IQSEC1: variants seen among roughly 807,000 people sequenced by gnomAD.
The protein encoded by IQSEC1 is IQ motif and Sec7 domain ArfGEF 1, also known as IQ motif and SEC7 domain-containing protein 1.
A neutral mutation model predicts 91.0 loss-of-function variants in IQSEC1; 31 were observed. The observed-to-expected ratio is 0.34, with a 90% confidence interval of 0.26 to 0.46. IQSEC1 has a LOEUF of 0.46. Among genes scored for constraint, IQSEC1 ranks in the 20% least tolerant of loss-of-function variants. The pLI, the probability that IQSEC1 is intolerant of heterozygous loss-of-function variation, is 1.00. For missense variants in IQSEC1, 1,388 were observed against 1,575.6 expected, an observed-to-expected ratio of 0.88 and a Z score of 2.02; for synonymous variants, 699 against 662.6, an observed-to-expected ratio of 1.05 and a Z score of -0.84.
rs187184344 is a variant in IQSEC1 at position 13,148,561 on chromosome 3, T to C, written c.302+15543A>G. Reference sequence around the variant, plus strand: ...AGGTTTATGGGTTTTTGTTTTGTTTTGTTTTTGGTATGAAATGGGATTTGG... The same window carrying C: ...AGGTTTATGGGTTTTTGTTTTGTTTCGTTTTTGGTATGAAATGGGATTTGG... On this transcript the variant is annotated intron_variant, in intron 2 of 15. Coordinates refer to the IQSEC1 transcript ENST00000648114. Among the ~76,000 whole-genome samples, 249 of 152,380 alleles carry C rather than the reference T, an allele frequency of 1.6e-3. 1 individual carries two copies. The highest frequency in any genetic ancestry group is 5.9e-3 in the African/African-American group (245 of 41,586).
At chr3:13,206,914 T>C (rs1694355495) in intron 1 of IQSEC1, among the ~76,000 whole-genome samples, 1 of 151,782 alleles carries the variant, frequency 6.6e-6, no homozygotes, top group South Asian at 2.1e-4. Flanking sequence ...GGTGGGTGAG[T>C]AGGAGGGAGA....
At chr3:13,225,264 A>G (rs1463281689) in intron 1 of IQSEC1, among the ~76,000 whole-genome samples, 2 of 152,190 alleles carry the variant, frequency 1.3e-5, no homozygotes, top group Non-Finnish European at 2.9e-5. Context: ...GTGGTCAGTT[A>G]GTTTTATAGC....
intron 1 of IQSEC1, among the ~76,000 whole-genome samples, chr3:13,222,054 C>T (rs73134165): frequency 0.18 from 27,984 of 151,862 alleles, 3,817 homozygotes; most frequent in African/African-American, 0.37. Flanking sequence ...TTTACCACCT[C>T]ATCCATTTTA....
At chr3:13,016,184 G>A (rs1431705901) in intron 1 of IQSEC1, among the ~76,000 whole-genome samples, 1 of 152,214 alleles carries the variant, frequency 6.6e-6, no homozygotes, top group East Asian at 1.9e-4. Flanking sequence ...CATCTGGAGA[G>A]CCGCCACCAG....
chr3:12,899,988 CA>C lies in IQSEC1; in HGVS notation c.*994del, dbSNP rs1232976474. The C allele has an allele frequency of 3.2e-5, 32 of 985,116 alleles. No homozygotes were observed. The highest frequency in any genetic ancestry group is 3.9e-5 in the Non-Finnish European group (32 of 829,862). The allele number at this position is 985,116 out of a possible 1,614,324, so 61.0% of individuals were successfully genotyped here. A position where few individuals can be genotyped will look rare whatever the true frequency, so the allele number is the denominator to read the frequency against. ...AAAAGAAACATGGATCATGGAGAGT[CA>C]CAGTTATCGCAGCCATTAAAGTGTC... On this transcript the variant is annotated 3_prime_UTR_variant, in exon 14 of 14. Transcript: ENST00000613206.
Position 12,909,466 on chromosome 3 carries a change from A to T in IQSEC1, c.2417-32T>A. 6.2e-7 allele frequency: 1 copy of T among 1,601,362 alleles called. No individual in the cohort carries two copies. The highest frequency in any genetic ancestry group is 8.5e-7 in the Non-Finnish European group (1 of 1,171,248). ...AAGGGAAGGAGAGGGGAGGAGGCCC[A>T]CGGGTCTCAGTGTGTTCTCTGCAAT... On this transcript the variant is annotated intron_variant, in intron 10 of 13. Transcript: ENST00000613206. The surrounding 1 kb of genome is among the most constrained non-coding windows in gnomAD (Gnocchi z 4.9).
intron 1 of IQSEC1, among the ~76,000 whole-genome samples, chr3:13,053,972 G>A (rs1032338886): frequency 2.0e-5 from 3 of 151,488 alleles, no homozygotes; most frequent in Non-Finnish European, 1.5e-5. Flanking sequence ...GGGTGTAGAT[G>A]TGTTTTAGTT....
intron 2 of IQSEC1, among the ~76,000 whole-genome samples, chr3:13,131,628 A>G (rs1706623126): frequency 6.6e-6 from 1 of 151,996 alleles, no homozygotes; most frequent in Admixed American, 6.6e-5. Flanking sequence ...CTGGGATCAC[A>G]GGTGTGTGTC....
Position 12,935,148 on chromosome 3 carries a change from C to A in IQSEC1, c.1568+300G>T, listed in dbSNP as rs114479147. Among the ~76,000 whole-genome samples the A allele has an allele frequency of 6.6e-6, 1 of 152,314 alleles. No homozygotes were observed. Among genetic ancestry groups the A allele is most frequent in the African/African-American group, 2.4e-5 (1 of 41,576 alleles). ...GCCCAACATACCCCACTTGCTATGG[C>A]GGACTTGGGGGGGATGGGACGGAAG... On this transcript the variant is annotated intron_variant, in intron 3 of 13. Transcript: ENST00000613206. This position sits in a 1 kb window ranked among gnomAD's most constrained non-coding sequence, Gnocchi z 8.0.
At chr3:12,912,701 A>C (rs1475130307) in intron 9 of IQSEC1, among the ~76,000 whole-genome samples, 1 of 149,690 alleles carries the variant, frequency 6.7e-6, no homozygotes. Flanking sequence ...AAAAAAGAAC[A>C]TGGGCATCTT....
chr3:13,017,693 C>T (rs564386256), intron 1 of IQSEC1, among the ~76,000 whole-genome samples: 16 of 152,086 alleles, frequency 1.1e-4, no homozygotes, highest in East Asian at 7.7e-4. Flanking sequence ...AACGAAGACT[C>T]GATGCAGGGA....
Position 12,992,476 on chromosome 3 carries a change from C to A in IQSEC1, c.24-50611G>T, listed in dbSNP as rs1014996834. On this transcript the variant is annotated intron_variant, in intron 1 of 13. Coordinates refer to ENST00000613206, the MANE Select transcript of IQSEC1 (RefSeq NM_001134382.3). This position sits in a 1 kb window ranked among gnomAD's most constrained non-coding sequence, Gnocchi z 4.1. ...CCAACTGTAATGAGGAGGTGGGCATCATACTGGGGGCAGGGGAGGGTGACG... is the reference window on the plus strand; with the variant it reads ...CCAACTGTAATGAGGAGGTGGGCATAATACTGGGGGCAGGGGAGGGTGACG... 6.6e-6 allele frequency among the ~76,000 whole-genome samples: 1 copy of A among 152,154 alleles called. No individual in the cohort carries two copies. The highest frequency in any genetic ancestry group is 2.4e-5 in the African/African-American group (1 of 41,436).
At position 12,970,628 on chromosome 3, in the gene IQSEC1, C is replaced by T. The variant is rs1700846290; in HGVS notation, c.24-28763G>A. Among the ~76,000 whole-genome samples, 1 of 152,176 alleles carries T rather than the reference C, an allele frequency of 6.6e-6. No individual in the cohort carries two copies. On this transcript the variant is annotated intron_variant, in intron 1 of 13. Transcript: ENST00000613206. This position sits in a 1 kb window ranked among gnomAD's most constrained non-coding sequence, Gnocchi z 4.4. ...TGGTTCATCTCTCCATCCCTTACCT[C>T]TCCTCCTGCCCACTCTATGCCTGCC... is the stretch of plus-strand genomic sequence containing the variant.
At chr3:13,176,558 C>G (rs532668648) in intron 1 of IQSEC1, among the ~76,000 whole-genome samples, 13 of 152,230 alleles carry the variant, frequency 8.5e-5, no homozygotes, top group Non-Finnish European at 1.6e-4. Flanking sequence ...AGTTCCCCCT[C>G]CTGAAGCAAG....
At chr3:12,991,208 CAG>C (rs914762756) in intron 1 of IQSEC1, among the ~76,000 whole-genome samples, 3 of 152,142 alleles carry the variant, frequency 2.0e-5, no homozygotes, top group Non-Finnish European at 2.9e-5. Flanking sequence ...TTCAGGGACT[CAG>C]GGCAGGATTT....
rs764611373 is a variant in IQSEC1 at position 12,911,586 on chromosome 3, TG to T, written c.2416+42del. ...AGCAGCCAGGAGAAAGAGCGTAAGC[TG>T]GGACATGCGCTCTTCCAGGCAGGCC... On this transcript the variant is annotated intron_variant, in intron 10 of 13. Transcript: ENST00000613206. 7.5e-5 allele frequency: 106 copies of T among 1,414,944 alleles called. No homozygotes were observed. In the African/African-American group the frequency reaches 1.2e-3, roughly 16 times the overall value. The allele number at this position is 1,414,944 out of a possible 1,614,324, so 87.6% of individuals were successfully genotyped here.
intron 3 of IQSEC1, among the ~76,000 whole-genome samples, chr3:12,927,948 C>T (rs1250668845): frequency 7.5e-5 from 11 of 146,320 alleles, no homozygotes; most frequent in Admixed American, 2.7e-4. Context: ...GGTAGTGGGG[C>T]GGTGGGCAGA....
Position 12,936,498 on chromosome 3 carries a change from A to C in IQSEC1, c.518T>G (p.Val173Gly). The change falls in exon 3 of 14, where the codon GTG (valine) becomes GGG (glycine). Residue 173 changes from valine to glycine, a missense_variant. By Grantham distance (109) the Val-to-Gly change is moderately radical. This residue lies in a region of IQSEC1 where 1,059 missense variants were observed against 1,317.8 expected (regional missense o/e 0.80). Transcript: ENST00000613206. ...CTTCCCCTCGAAGTAGGAGCTGTGC[A>C]CTTTCTCAGGCCCCTCAAAGGAGAA... Reference protein sequence around the residue: ...MQFSFEGPEKVHSSYFEGKQV... With the variant: ...MQFSFEGPEKGHSSYFEGKQV... 1.2e-6 allele frequency: 2 copies of C among 1,613,368 alleles called. No homozygotes were observed. The highest frequency in any genetic ancestry group is 2.2e-5 in the East Asian group (1 of 44,866).
intron 1 of IQSEC1, among the ~76,000 whole-genome samples, chr3:13,209,066 G>A (rs1424643125): frequency 1.3e-5 from 2 of 152,184 alleles, no homozygotes; most frequent in East Asian, 3.9e-4. Context: ...CTGGACTGCG[G>A]TGCCACTTGT....
Sources: gnomAD v4.1 joint callset for allele counts (sites outside exome capture counted in the v4.1 genomes callset) on GRCh38, gnomAD v4.1.1 for gene constraint, gnomAD v4.1.1 regional missense constraint, Gnocchi (gnomAD v3.1) non-coding constraint, MANE v1.5 for transcripts, NCBI Gene and HGNC (gene_info 2026-07-23, HGNC 2026-07-21) for gene names.